The following PDE8B variants were observed in gnomAD, a reference collection of about 807,000 sequenced individuals.
PDE8B encodes the protein phosphodiesterase 8B.
PDE8B carries 26 observed loss-of-function variants against 101.3 expected under a neutral mutation model. The ratio of observed to expected loss-of-function variants is 0.26; its 90% CI spans 0.19 to 0.36. The LOEUF is 0.36. Among genes scored for constraint, PDE8B ranks in the 10% least tolerant of loss-of-function variants. PDE8B has a pLI of 1.00. For missense variants in PDE8B, 810 were observed against 1,163.1 expected (o/e 0.70, Z 4.42); for synonymous variants, 424 against 429.3 (o/e 0.99, Z 0.15).
chr5:77,210,448 G>T, upstream of PDE8B: 1 of 197,074 alleles, frequency 5.1e-6, no homozygotes, highest in South Asian at 1.6e-4. The surrounding 1 kb of genome is among the most constrained non-coding windows in gnomAD (Gnocchi z 4.9). Context: ...AGGAGGGTGG[G>T]AGCGAGGGAG....
intron 2 of PDE8B, among the ~76,000 whole-genome samples, chr5:77,312,384 G>T (rs928842603): frequency 2.0e-5 from 3 of 152,166 alleles, no homozygotes; most frequent in Admixed American, 2.0e-4. Flanking sequence ...GATTACAGGC[G>T]TGAACCACTG....
chr5:77,100,932 C>A, the PDE8B span, among the ~76,000 whole-genome samples: 1 of 151,732 alleles, frequency 6.6e-6, no homozygotes, highest in East Asian at 1.9e-4. Flanking sequence ...CAGTAGTAAG[C>A]CCCAACTCCC....
intron 1 of PDE8B, among the ~76,000 whole-genome samples, chr5:77,306,355 A>G (rs1370872193): frequency 6.6e-6 from 1 of 152,218 alleles, no homozygotes; most frequent in Admixed American, 6.5e-5. Context: ...AGCATCTTGT[A>G]GATGCTGGGG....
intron 1 of PDE8B, among the ~76,000 whole-genome samples, chr5:77,268,767 T>G (rs2149757344): frequency 6.6e-6 from 1 of 151,634 alleles, no homozygotes; most frequent in South Asian, 2.1e-4. Context: ...AACAGATGAT[T>G]GGATAAAGAA....
chr5:77,273,806 T>G (rs1242523855), intron 1 of PDE8B, among the ~76,000 whole-genome samples: 3 of 152,014 alleles, frequency 2.0e-5, no homozygotes, highest in Non-Finnish European at 4.4e-5. Context: ...CATCTGTTTT[T>G]TTTTTATTTA....
intron 1 of PDE8B, among the ~76,000 whole-genome samples, chr5:77,215,312 T>C (rs1203960277): frequency 1.3e-5 from 2 of 152,340 alleles, no homozygotes; most frequent in East Asian, 3.8e-4. Flanking sequence ...TGCTAGGCCT[T>C]TCACCATCAT....
chr5:77,398,424 C>T (rs1791539413), intron 10 of PDE8B, among the ~76,000 whole-genome samples: 1 of 149,592 alleles, frequency 6.7e-6, no homozygotes. Flanking sequence ...TGGATTCAAG[C>T]AATTCTCCTG....
At chr5:77,326,345 A>C (rs1776059335) in intron 3 of PDE8B, among the ~76,000 whole-genome samples, 1 of 152,242 alleles carries the variant, frequency 6.6e-6, no homozygotes, top group Non-Finnish European at 1.5e-5. Context: ...ATTTAGCAGA[A>C]GTGGAATGCT....
intron 10 of PDE8B, among the ~76,000 whole-genome samples, chr5:77,378,799 A>C (rs1034552667): frequency 6.6e-6 from 1 of 152,080 alleles, no homozygotes; most frequent in Non-Finnish European, 1.5e-5. Flanking sequence ...TGAGTCAGCA[A>C]CTCTGGGGAT....
chr5:77,426,398 G>C, intron 21 of PDE8B, 47 bp from the exon 22 acceptor site: 1 of 1,257,212 alleles, frequency 8.0e-7, no homozygotes, highest in Non-Finnish European at 1.2e-6. Flanking sequence ...AAATGCTCCT[G>C]GGGTCTAAGT....
chr5:77,397,026 A>ATTTT (rs71606290), intron 10 of PDE8B, among the ~76,000 whole-genome samples: 3,003 of 84,302 alleles, frequency 0.036, 463 homozygotes, highest in African/African-American at 0.12. Flanking sequence ...CCGATAAGAA[A>ATTTT]TTTTTTTTTT....
At chr5:77,244,404 C>A (rs1473386363) in intron 1 of PDE8B, among the ~76,000 whole-genome samples, 2 of 152,050 alleles carry the variant, frequency 1.3e-5, no homozygotes, top group African/African-American at 2.4e-5. Context: ...GAGATGGGAC[C>A]AGGTCAGGAA....
At position 77,412,187 on chromosome 5, in the gene PDE8B, A is replaced by C; in HGVS notation, c.1664A>C (p.Glu555Ala). 6.2e-7 allele frequency: 1 copy of C among 1,613,824 alleles called. No individual in the cohort carries two copies. The highest frequency in any genetic ancestry group is 1.1e-5 in the South Asian group (1 of 91,080). Residue 555 changes from glutamate (E) to alanine (A), a missense_variant, in exon 16 of 22, where the codon GAG (glutamate) becomes GCG (alanine). Glu to Ala is a moderately radical substitution (Grantham distance 107). Coordinates refer to ENST00000264917, the MANE Select transcript of PDE8B (RefSeq NM_003719.5). ...PCISQLLDNE[E>A]SWDFNIFELE... Reference sequence around the variant, plus strand: ...ATCTCTCAATTACTTGATAATGAGGAGAGTTGGGACTTCAACATCTTTGAA... The same window carrying C: ...ATCTCTCAATTACTTGATAATGAGGCGAGTTGGGACTTCAACATCTTTGAA...
At chr5:77,405,726 A>C (rs899748136) in intron 12 of PDE8B, among the ~76,000 whole-genome samples, 1 of 152,166 alleles carries the variant, frequency 6.6e-6, no homozygotes, top group African/African-American at 2.4e-5. Context: ...AACCAAGAAC[A>C]AGAGGGGATT....
intron 2 of PDE8B, among the ~76,000 whole-genome samples, chr5:77,321,524 C>T (rs1420059486): frequency 6.6e-6 from 1 of 152,140 alleles, no homozygotes; most frequent in Non-Finnish European, 1.5e-5. Context: ...TTCCAAATTC[C>T]CAGAAACAGA....
intron 1 of PDE8B, among the ~76,000 whole-genome samples, chr5:77,308,705 G>T (rs1338589530): frequency 6.6e-6 from 1 of 152,140 alleles, no homozygotes; most frequent in African/African-American, 2.4e-5. Flanking sequence ...TTGCCTGTCT[G>T]CCCCTAGGAT....
At chr5:77,301,562 G>A (rs1390753894) in intron 1 of PDE8B, among the ~76,000 whole-genome samples, 1 of 152,192 alleles carries the variant, frequency 6.6e-6, no homozygotes, top group Non-Finnish European at 1.5e-5. Context: ...GAGCTAGACT[G>A]TTCTTTGCTT....
At chr5:77,120,560 G>A in the PDE8B span, among the ~76,000 whole-genome samples, 29 of 152,300 alleles carry the variant, frequency 1.9e-4, no homozygotes, top group African/African-American at 7.0e-4. Context: ...TAGAATAATA[G>A]ATAAATGGAT....
the PDE8B span, among the ~76,000 whole-genome samples, chr5:77,174,476 C>T: frequency 6.6e-6 from 1 of 152,262 alleles, no homozygotes; most frequent in South Asian, 2.1e-4. Context: ...TTATCTCTCT[C>T]TCCTCCACTG....
Sources: gnomAD v4.1 joint callset for allele counts (sites outside exome capture counted in the v4.1 genomes callset) on GRCh38, gnomAD v4.1.1 for gene constraint, Gnocchi (gnomAD v3.1) non-coding constraint, MANE v1.5 for transcripts, NCBI Gene and HGNC (gene_info 2026-07-23, HGNC 2026-07-21) for gene names.